The following TMEM170B variants were observed in gnomAD, a reference collection of about 807,000 sequenced individuals.
The protein encoded by TMEM170B is transmembrane protein 170B.
TMEM170B carries 6 observed loss-of-function variants against 13.0 expected under a neutral mutation model. That is an observed-to-expected ratio of 0.46 (90% CI 0.25 to 0.91). The LOEUF is 0.91. Among genes scored for constraint, TMEM170B ranks in the 40% least tolerant of loss-of-function variants. TMEM170B has a pLI of 0.17. For synonymous variants in TMEM170B, 61 were observed against 64.9 expected, an observed-to-expected ratio of 0.94 and a Z score of 0.29; for missense variants, 138 against 165.2, an observed-to-expected ratio of 0.84 and a Z score of 0.90.
In TMEM170B at chr6:11,570,151, CTATT is replaced by C. The variant is rs1759782122; in HGVS notation, c.268+4320_268+4323del. Among the ~76,000 whole-genome samples the C allele has an allele frequency of 2.0e-5, 3 of 152,190 alleles. No homozygotes were observed. In the South Asian group the frequency reaches 6.2e-4, roughly 32 times the overall value. On this transcript the variant is annotated intron_variant, in intron 2 of 2. Coordinates refer to ENST00000379426, the MANE Select transcript of TMEM170B (RefSeq NM_001100829.3). ...TCACCCAAGAACATGTAGTGTAGCT[CTATT>C]TATTGAGATCATCTTTTACGTCTTT...
chr6:11,567,319 C>T (rs932686513), intron 2 of TMEM170B, among the ~76,000 whole-genome samples: 31 of 152,216 alleles, frequency 2.0e-4, no homozygotes, highest in Admixed American at 9.8e-4. Flanking sequence ...TTGCCCTTCA[C>T]GTCTGGCCTA....
intron 2 of TMEM170B, among the ~76,000 whole-genome samples, chr6:11,574,011 T>G (rs181513170): frequency 1.6e-4 from 24 of 152,278 alleles, no homozygotes; most frequent in African/African-American, 4.8e-4. Context: ...TCTGAATTCT[T>G]CGTTCTCATT....
In TMEM170B at chr6:11,576,980, A is replaced by G. The variant is rs1220795948; in HGVS notation, c.*1419A>G. On this transcript the variant is annotated 3_prime_UTR_variant, in exon 3 of 3. Coordinates refer to ENST00000379426, the MANE Select transcript of TMEM170B (RefSeq NM_001100829.3). ...GTCTCCTAATGAGATTTTTTTTGGC[A>G]CCAGATACAATTATAATGTGCTAAC... 2.0e-5 allele frequency: 3 copies of G among 152,092 alleles called. No individual in the cohort carries two copies. In the East Asian group the frequency reaches 5.8e-4, roughly 29 times the overall value. The allele number at this position is 152,092 out of a possible 1,614,324, so 9.4% of individuals were successfully genotyped here. A position where few individuals can be genotyped will look rare whatever the true frequency, so the allele number is the denominator to read the frequency against.
chr6:11,538,254 G>T lies in TMEM170B; in HGVS notation c.-24G>T, dbSNP rs900879045. The T allele has an allele frequency of 1.5e-6, 2 of 1,293,182 alleles. No homozygotes were observed. Among genetic ancestry groups the T allele is most frequent in the African/African-American group, 3.1e-5 (2 of 64,278 alleles). The allele number at this position is 1,293,182 out of a possible 1,614,324, so 80.1% of individuals were successfully genotyped here. ...GCCGCCGCCCGGCACCCGAGGAGAG[G>T]GCGGCGGGCGCCCCTCGGGGAAGAT... On this transcript the variant is annotated 5_prime_UTR_variant, in exon 1 of 3. Transcript: ENST00000379426.
chr6:11,562,732 C>T (rs940615413), intron 1 of TMEM170B, among the ~76,000 whole-genome samples: 4 of 152,020 alleles, frequency 2.6e-5, no homozygotes, highest in African/African-American at 9.7e-5. Flanking sequence ...TGATGCAATC[C>T]ACCAACCTTA....
chr6:11,549,114 A>G (rs1042795073), intron 1 of TMEM170B, among the ~76,000 whole-genome samples: 1 of 152,246 alleles, frequency 6.6e-6, no homozygotes, highest in African/African-American at 2.4e-5. Flanking sequence ...AGGAGAGCCC[A>G]GAGAGTGTAG....
intron 1 of TMEM170B, among the ~76,000 whole-genome samples, chr6:11,560,840 A>C (rs561000429): frequency 1.8e-4 from 27 of 152,342 alleles, no homozygotes; most frequent in African/African-American, 6.0e-4. Context: ...GTTTTTACTC[A>C]GTATTTTTTA....
At chr6:11,555,351 T>C (rs1483964838) in intron 1 of TMEM170B, among the ~76,000 whole-genome samples, 2 of 152,212 alleles carry the variant, frequency 1.3e-5, no homozygotes, top group Non-Finnish European at 2.9e-5. Flanking sequence ...CATTTCACTA[T>C]GATGTGTCTA....
intron 1 of TMEM170B, among the ~76,000 whole-genome samples, chr6:11,563,456 A>G (rs989315800): frequency 6.6e-6 from 1 of 151,976 alleles, no homozygotes; most frequent in Non-Finnish European, 1.5e-5. Context: ...TCTGACATTT[A>G]CCTGGTGTTA....
rs753659718 is a variant in TMEM170B at position 11,577,188 on chromosome 6, A to G, written c.*1627A>G. Reference sequence around the variant, plus strand: ...AGCAGAGTATATCCACAACTTACCAATGAGAAGTTGGAGAGGCAGTACTTT... The same window carrying G: ...AGCAGAGTATATCCACAACTTACCAGTGAGAAGTTGGAGAGGCAGTACTTT... On this transcript the variant is annotated 3_prime_UTR_variant, in exon 3 of 3. Coordinates refer to ENST00000379426, the MANE Select transcript of TMEM170B (RefSeq NM_001100829.3). The G allele has an allele frequency of 3.3e-5, 5 of 152,116 alleles. No homozygotes were observed. Among genetic ancestry groups the G allele is most frequent in the Non-Finnish European group, 5.9e-5 (4 of 67,964 alleles). The allele number at this position is 152,116 out of a possible 1,614,324, so 9.4% of individuals were successfully genotyped here.
Position 11,575,667 on chromosome 6 carries a change from G to C in TMEM170B, c.*106G>C. 7.1e-7 allele frequency: 1 copy of C among 1,408,704 alleles called. No individual in the cohort carries two copies. The highest frequency in any genetic ancestry group is 9.8e-7 in the Non-Finnish European group (1 of 1,015,860). The allele number at this position is 1,408,704 out of a possible 1,614,324, so 87.3% of individuals were successfully genotyped here. A position where few individuals can be genotyped will look rare whatever the true frequency, so the allele number is the denominator to read the frequency against. On this transcript the variant is annotated 3_prime_UTR_variant, in exon 3 of 3. Transcript: ENST00000379426. This position sits in a 1 kb window ranked among gnomAD's most constrained non-coding sequence, Gnocchi z 4.1. ...ATGAAATTGTGCAAGAATGTGGACTGAGCAGGTCAAAGCATAAGGAAGACC... is the reference window on the plus strand; with the variant it reads ...ATGAAATTGTGCAAGAATGTGGACTCAGCAGGTCAAAGCATAAGGAAGACC...
At chr6:11,548,575 G>A (rs1759471361) in intron 1 of TMEM170B, among the ~76,000 whole-genome samples, 2 of 152,108 alleles carry the variant, frequency 1.3e-5, no homozygotes, top group South Asian at 2.1e-4. Context: ...CATTACTGGT[G>A]TATATCCAAA....
In TMEM170B at chr6:11,575,333, AT is replaced by A. The variant is rs1426532647; in HGVS notation, c.269-97del. The A allele has an allele frequency of 6.9e-7, 1 of 1,449,884 alleles. No homozygotes were observed. Among genetic ancestry groups the A allele is most frequent in the Non-Finnish European group, 9.4e-7 (1 of 1,066,776 alleles). The allele number at this position is 1,449,884 out of a possible 1,614,324, so 89.8% of individuals were successfully genotyped here. A position where few individuals can be genotyped will look rare whatever the true frequency, so the allele number is the denominator to read the frequency against. On this transcript the variant is annotated intron_variant, in intron 2 of 2. Transcript: ENST00000379426. This position sits in a 1 kb window ranked among gnomAD's most constrained non-coding sequence, Gnocchi z 4.1. Reference sequence around the variant, plus strand: ...TAAAATGAGAAAAAAATGATGACTTATGTTTTGATGAAATGAAAAGAGCTCT... The same window carrying A: ...TAAAATGAGAAAAAAATGATGACTTAGTTTTGATGAAATGAAAAGAGCTCT...
intron 1 of TMEM170B, among the ~76,000 whole-genome samples, chr6:11,553,552 T>A (rs1406185227): frequency 3.3e-5 from 5 of 152,206 alleles, no homozygotes; most frequent in Non-Finnish European, 7.4e-5. Context: ...TAGTTTTTTT[T>A]ACTTTAGACA....
chr6:11,567,305 T>C (rs755699081), intron 2 of TMEM170B, among the ~76,000 whole-genome samples: 14 of 152,354 alleles, frequency 9.2e-5, no homozygotes, highest in Admixed American at 2.0e-4. Flanking sequence ...AGTACATGTG[T>C]CTGTTGCCCT....
chr6:11,550,253 A>G (rs1197504290), intron 1 of TMEM170B, among the ~76,000 whole-genome samples: 2 of 151,650 alleles, frequency 1.3e-5, no homozygotes, highest in Admixed American at 6.6e-5. Context: ...GCTCACTGCA[A>G]CCTGTGCCTC....
At chr6:11,547,133 A>G (rs1220195583) in intron 1 of TMEM170B, among the ~76,000 whole-genome samples, 1 of 152,236 alleles carries the variant, frequency 6.6e-6, no homozygotes, top group East Asian at 1.9e-4. Context: ...ATGTATACAC[A>G]TGCACATATA....
At position 11,579,557 on chromosome 6, in the gene TMEM170B, C is replaced by CT. The variant is rs1315371489; in HGVS notation, c.*3997dup. ...CCTTACATATGCTTTAGGAAAGAAA[C>CT]TAAAAACGTTTTCTTATAATCTTGC... On this transcript the variant is annotated 3_prime_UTR_variant, in exon 3 of 3. Coordinates refer to ENST00000379426, the MANE Select transcript of TMEM170B (RefSeq NM_001100829.3). The CT allele has an allele frequency of 6.6e-6, 1 of 152,154 alleles. No individual in the cohort carries two copies. The highest frequency in any genetic ancestry group is 1.9e-4 in the East Asian group (1 of 5,200). The allele number at this position is 152,154 out of a possible 1,614,324, so 9.4% of individuals were successfully genotyped here.
intron 1 of TMEM170B, among the ~76,000 whole-genome samples, chr6:11,548,831 C>T (rs1010422864): frequency 2.6e-5 from 4 of 151,162 alleles, no homozygotes; most frequent in African/African-American, 9.8e-5. Flanking sequence ...GGACAGAAAA[C>T]CAAAGATCGC....
Sources: allele counts gnomAD v4.1 joint callset (sites outside exome capture counted in the v4.1 genomes callset), GRCh38; gene constraint gnomAD v4.1.1; non-coding constraint Gnocchi (gnomAD v3.1); transcripts MANE v1.5; gene names NCBI Gene and HGNC (gene_info 2026-07-23, HGNC 2026-07-21).